The following CDH4 variants were observed in gnomAD, a reference collection of about 807,000 sequenced individuals.
CDH4 encodes cadherin-4.
Under a neutral mutation model 86.0 loss-of-function variants are expected in CDH4, and 33 were observed. The observed-to-expected ratio is 0.38, with a 90% CI of 0.29 to 0.51. The LOEUF (loss-of-function observed/expected upper bound fraction) is 0.51, where lower values mean the gene tolerates loss of function less well. CDH4 is among the 20% of genes least tolerant of loss of function. CDH4 has a pLI of 0.86. For missense variants in CDH4, 1,114 were observed against 1,307.4 expected (o/e 0.85, Z 2.28); for synonymous variants, 555 against 549.4 (o/e 1.01, Z -0.14).
intron 2 of CDH4, among the ~76,000 whole-genome samples, chr20:61,686,486 T>C (rs2087576671): frequency 6.6e-6 from 1 of 151,814 alleles, no homozygotes. Context: ...TGTGCGTGTG[T>C]GTGCATTCGC....
Position 61,934,202 on chromosome 20 carries a change from C to T in CDH4, c.2526C>T (p.Ile842=), listed in dbSNP as rs546536910. The part of the protein sequence containing the change: ...IRPMVPHPGD[I]GDFINEGLRA... Reference sequence around the variant, plus strand: ...CCATGGTGCCGCACCCAGGCGACATCGGTGACTTCATCAATGAGGTGTGTG... The same window carrying T: ...CCATGGTGCCGCACCCAGGCGACATTGGTGACTTCATCAATGAGGTGTGTG... The change falls in exon 15 of 16, where the codon ATC becomes ATT. Residue 842 remains isoleucine (I), a synonymous_variant. Transcript: ENST00000614565. The T allele has an allele frequency of 4.7e-5, 74 of 1,568,524 alleles. No individual in the cohort carries two copies. The South Asian group carries it at 4.7e-4, about 10-fold the overall frequency.
intron 2 of CDH4, among the ~76,000 whole-genome samples, chr20:61,295,083 G>A (rs567692963): frequency 6.6e-6 from 1 of 152,216 alleles, no homozygotes; most frequent in South Asian, 2.1e-4. Context: ...TGACTTTGTC[G>A]AAGGCAGGGA....
chr20:61,872,771 C>T (rs945466890), intron 6 of CDH4, among the ~76,000 whole-genome samples: 5 of 152,236 alleles, frequency 3.3e-5, no homozygotes, highest in African/African-American at 1.2e-4. Context: ...TGAGAGAGCC[C>T]GCCGTGCCAG....
intron 8 of CDH4, among the ~76,000 whole-genome samples, chr20:61,895,732 C>T (rs929759293): frequency 6.6e-6 from 1 of 152,234 alleles, no homozygotes; most frequent in Non-Finnish European, 1.5e-5. Flanking sequence ...TTGATGACCC[C>T]ACTTCCCTGC....
At chr20:61,733,091 A>C (rs988191225) in intron 2 of CDH4, among the ~76,000 whole-genome samples, 22 of 150,900 alleles carry the variant, frequency 1.5e-4, no homozygotes, top group Admixed American at 5.9e-4. Context: ...ACAGGAAAGC[A>C]GTGGCCCAGG....
chr20:61,284,778 G>A (rs1317438975), intron 2 of CDH4, among the ~76,000 whole-genome samples: 4 of 152,154 alleles, frequency 2.6e-5, no homozygotes, highest in African/African-American at 9.7e-5. Context: ...TCTAGGGCCT[G>A]GAACCAAACA....
intron 4 of CDH4, among the ~76,000 whole-genome samples, chr20:61,809,622 G>T (rs114850319): frequency 6.6e-6 from 1 of 152,302 alleles, no homozygotes; most frequent in South Asian, 2.1e-4. Context: ...TTCTGGATCC[G>T]CCTATGCCGG....
At chr20:61,543,043 C>T (rs889168227) in intron 2 of CDH4, among the ~76,000 whole-genome samples, 1 of 152,200 alleles carries the variant, frequency 6.6e-6, no homozygotes, top group Non-Finnish European at 1.5e-5. Context: ...AGCATCCGCT[C>T]GGGAGAAAGA....
At chr20:61,748,955 A>G (rs2088453086) in intron 3 of CDH4, among the ~76,000 whole-genome samples, 1 of 71,774 alleles carries the variant, frequency 1.4e-5, no homozygotes. Context: ...AAATTGATGG[A>G]TAAAGATAAA....
At chr20:61,884,423 G>A (rs569512454) in intron 7 of CDH4, among the ~76,000 whole-genome samples, 26 of 152,350 alleles carry the variant, frequency 1.7e-4, no homozygotes, top group African/African-American at 6.3e-4. Context: ...GCCAGAAGTG[G>A]TGAGGGAGAG....
chr20:61,590,935 G>A (rs900827512), intron 2 of CDH4, among the ~76,000 whole-genome samples: 3 of 151,692 alleles, frequency 2.0e-5, no homozygotes, highest in Admixed American at 6.6e-5. Flanking sequence ...CCTGACATGA[G>A]GGCAGTTGGT....
chr20:61,394,094 G>A (rs930591297), intron 2 of CDH4, among the ~76,000 whole-genome samples: 1 of 152,170 alleles, frequency 6.6e-6, no homozygotes, highest in Non-Finnish European at 1.5e-5. Flanking sequence ...CAGGAAGGAG[G>A]CCACCCTCAG....
At chr20:61,384,219 G>A (rs773180874) in intron 2 of CDH4, among the ~76,000 whole-genome samples, 11 of 152,072 alleles carry the variant, frequency 7.2e-5, no homozygotes, top group Non-Finnish European at 1.3e-4. Flanking sequence ...ACATACCCAG[G>A]ATCAGTACTT....
chr20:61,558,554 C>G (rs1251820348), intron 2 of CDH4, among the ~76,000 whole-genome samples: 1 of 152,244 alleles, frequency 6.6e-6, no homozygotes, highest in Non-Finnish European at 1.5e-5. Flanking sequence ...CCCCATCTCA[C>G]CAGTACTGCC....
chr20:61,262,762 CCCTCCTT>C, intron 2 of CDH4, among the ~76,000 whole-genome samples: 1 of 150,088 alleles, frequency 6.7e-6, no homozygotes, highest in East Asian at 2.0e-4. Flanking sequence ...TTACCTCCCA[CCCTCCTT>C]CCTCCTTCCC....
rs2086333664 is a variant in CDH4, at chr20:61,570,499, C to A, written c.170-173064C>A. 1.0e-5 allele frequency: 6 copies of A among 594,268 alleles called. No individual in the cohort carries two copies. In the East Asian group the frequency reaches 1.7e-4, roughly 17 times the overall value. The allele number at this position is 594,268 out of a possible 1,614,324, so 36.8% of individuals were successfully genotyped here. ...GGCTGGGTCTCCCTCGCAGCCCCTG[C>A]TCTCAAGGATGGGAATGAGAAGGTC... On this transcript the variant is annotated intron_variant, in intron 2 of 15. Transcript: ENST00000614565.
chr20:61,585,976 GTGATGATGATGGTGA>G (rs796593588), intron 2 of CDH4, among the ~76,000 whole-genome samples: 86 of 143,708 alleles, frequency 6.0e-4, no homozygotes, highest in African/African-American at 1.2e-3. Context: ...TGGTGATGAT[GTGATGATGATGGTGA>G]TGATGATGAT....
chr20:61,464,019 C>G (rs888282986), intron 2 of CDH4, among the ~76,000 whole-genome samples: 2 of 152,216 alleles, frequency 1.3e-5, no homozygotes, highest in African/African-American at 4.8e-5. Flanking sequence ...GCTAATGACC[C>G]TCTCCTCAGC....
intron 2 of CDH4, among the ~76,000 whole-genome samples, chr20:61,351,689 G>A (rs1236344851): frequency 2.0e-5 from 3 of 151,156 alleles, no homozygotes; most frequent in African/African-American, 7.3e-5. Context: ...AACTAATCCA[G>A]TTACACTCCT....
Sources: gnomAD v4.1 joint callset for allele counts (sites outside exome capture counted in the v4.1 genomes callset) on GRCh38, gnomAD v4.1.1 for gene constraint, MANE v1.5 for transcripts, NCBI Gene and HGNC (gene_info 2026-07-23, HGNC 2026-07-21) for gene names.